The following NEK6 variants were observed in gnomAD, a reference collection of about 807,000 sequenced individuals.
The protein encoded by NEK6 is NIMA related kinase 6.
In NEK6, 27 loss-of-function variants were observed where a neutral mutation model predicts 43.5. That is an observed-to-expected ratio of 0.62 (90% CI 0.46 to 0.86). The LOEUF is 0.86. Ranked by LOEUF, NEK6 falls within the 40% of genes least tolerant of loss-of-function variation. The pLI, the probability that NEK6 is intolerant of heterozygous loss-of-function variation, is 0.00. For missense variants in NEK6, 318 were observed against 414.4 expected, an observed-to-expected ratio of 0.77 and a Z score of 2.02; for synonymous variants, 167 against 164.1, an observed-to-expected ratio of 1.02 and a Z score of -0.14.
chr9:124,318,651 T>C (rs922042197), intron 4 of NEK6, among the ~76,000 whole-genome samples: 3 of 152,064 alleles, frequency 2.0e-5, no homozygotes, highest in Non-Finnish European at 2.9e-5. Flanking sequence ...GTCCTCTTCC[T>C]ACTCTTTATT....
At chr9:124,342,396 G>A (rs1829679297) in intron 8 of NEK6, among the ~76,000 whole-genome samples, 1 of 152,248 alleles carries the variant, frequency 6.6e-6, no homozygotes, top group Non-Finnish European at 1.5e-5. Context: ...CCAAATCCCA[G>A]CTCCAGGGCC....
intron 1 of NEK6, among the ~76,000 whole-genome samples, chr9:124,295,347 T>C (rs1832635768): frequency 6.6e-6 from 1 of 152,140 alleles, no homozygotes; most frequent in South Asian, 2.1e-4. Flanking sequence ...CCCCCATGAC[T>C]CTGGCCTGAG....
At chr9:124,345,260 G>A (rs962308790) in intron 8 of NEK6, among the ~76,000 whole-genome samples, 1 of 152,216 alleles carries the variant, frequency 6.6e-6, no homozygotes, top group Admixed American at 6.5e-5. Context: ...CTGGTAGAAG[G>A]AGATCTCGCC....
At chr9:124,338,273 G>A (rs1564658404) in intron 7 of NEK6, among the ~76,000 whole-genome samples, 1 of 152,170 alleles carries the variant, frequency 6.6e-6, no homozygotes, top group African/African-American at 2.4e-5. Flanking sequence ...GAGCCACCGT[G>A]CCATTCATTG....
intron 4 of NEK6, among the ~76,000 whole-genome samples, chr9:124,314,499 T>G (rs1031994878): frequency 1.3e-4 from 18 of 134,112 alleles, no homozygotes; most frequent in Admixed American, 5.7e-4. Flanking sequence ...TGGTGGTGGG[T>G]TTTTTTTTTA....
intron 9 of NEK6, among the ~76,000 whole-genome samples, chr9:124,350,008 C>G (rs1170970480): frequency 6.6e-6 from 1 of 152,230 alleles, no homozygotes. Flanking sequence ...GCAGTAGCCC[C>G]CGGGCCTCCA....
intron 6 of NEK6, 135 bp from the exon 7 acceptor site, chr9:124,327,203 C>G: frequency 1.4e-6 from 1 of 708,158 alleles, no homozygotes; most frequent in East Asian, 2.5e-5. Context: ...GTCCCACAGC[C>G]AGAGCCAGGA....
intron 1 of NEK6, among the ~76,000 whole-genome samples, chr9:124,281,110 C>G (rs765484758): frequency 6.6e-6 from 1 of 152,370 alleles, no homozygotes; most frequent in Non-Finnish European, 1.5e-5. Context: ...TCCCGCTTTT[C>G]GCTTGTGTTT....
Position 124,343,227 on chromosome 9 carries a change from G to A in NEK6, c.717+3562G>A, listed in dbSNP as rs1422124421. Reference sequence around the variant, plus strand: ...CAGCTGGGGGGGCTGGACCACAGCCGGGGGGCGGTGAGGGGACGGATCGCA... The same window carrying A: ...CAGCTGGGGGGGCTGGACCACAGCCAGGGGGCGGTGAGGGGACGGATCGCA... On this transcript the variant is annotated intron_variant, in intron 8 of 9. Coordinates refer to ENST00000320246, the MANE Select transcript of NEK6 (RefSeq NM_014397.6). This position sits in a 1 kb window ranked among gnomAD's most constrained non-coding sequence, Gnocchi z 5.1. Among the ~76,000 whole-genome samples the A allele has an allele frequency of 9.3e-5, 14 of 151,186 alleles. No homozygotes were observed. Among genetic ancestry groups the A allele is most frequent in the South Asian group, 2.1e-4 (1 of 4,734 alleles).
chr9:124,299,971 C>T (rs1239999860), intron 1 of NEK6: 2 of 152,178 alleles, frequency 1.3e-5, no homozygotes, highest in African/African-American at 4.8e-5. Flanking sequence ...CCTGCAGTCT[C>T]ACATCCTGTC....
At chr9:124,277,918 C>T (rs540331007) in intron 1 of NEK6, among the ~76,000 whole-genome samples, 1 of 152,302 alleles carries the variant, frequency 6.6e-6, no homozygotes, top group East Asian at 1.9e-4. Flanking sequence ...CTGATCCTCC[C>T]TGCATTTATT....
chr9:124,288,616 C>T (rs753054959), intron 1 of NEK6, among the ~76,000 whole-genome samples: 9 of 152,170 alleles, frequency 5.9e-5, no homozygotes, highest in Non-Finnish European at 1.2e-4. Flanking sequence ...CTTCTGCATA[C>T]CCGGGCCCTG....
In NEK6 at chr9:124,326,354, A is replaced by C; in HGVS notation, c.430A>C (p.Ile144Leu). The change falls in exon 6 of 10, where the codon ATC becomes CTC. Residue 144 changes from isoleucine (I) to leucine (L), a missense_variant. Transcript: ENST00000320246. This position sits in a 1 kb window ranked among gnomAD's most constrained non-coding sequence, Gnocchi z 4.5. ...IKYFKKQKRLIPERTVWKYFV... is the reference protein window; with the variant it reads ...IKYFKKQKRLLPERTVWKYFV... ...GTACTTTAAGAAGCAGAAGCGGCTC[A>C]TCCCGGAGAGGACAGTATGGAAGTA... 1 of 1,611,488 alleles carries C rather than the reference A, an allele frequency of 6.2e-7. No individual in the cohort carries two copies. The highest frequency in any genetic ancestry group is 8.5e-7 in the Non-Finnish European group (1 of 1,179,770).
At chr9:124,322,818 G>T (rs1215196531) in intron 5 of NEK6, among the ~76,000 whole-genome samples, 1 of 152,256 alleles carries the variant, frequency 6.6e-6, no homozygotes, top group East Asian at 1.9e-4. Context: ...TTGAGCAATT[G>T]CTCAGTGCTC....
chr9:124,318,399 G>A (rs1833919067), intron 4 of NEK6, among the ~76,000 whole-genome samples: 1 of 152,050 alleles, frequency 6.6e-6, no homozygotes, highest in Admixed American at 6.6e-5. Flanking sequence ...GCACCACGAA[G>A]CCCAGCTAAT....
chr9:124,312,635 C>T lies in NEK6; in HGVS notation c.217C>T (p.Leu73=). 6.2e-7 allele frequency: 1 copy of T among 1,613,302 alleles called. No individual in the cohort carries two copies. The highest frequency in any genetic ancestry group is 8.5e-7 in the Non-Finnish European group (1 of 1,179,368). ...CCTGCTGGACAGGAAGACAGTGGCT[C>T]TGAAGAAGGTGCAGGTGAGCTGACA... ...TCLLDRKTVA[L]KKVQIFEMMD... The change falls in exon 3 of 10, where the codon CTG becomes TTG. Residue 73 remains leucine (L), a synonymous_variant. Coordinates refer to ENST00000320246, the MANE Select transcript of NEK6 (RefSeq NM_014397.6).
In NEK6 at chr9:124,302,018, C is replaced by T. The variant is rs1399365403; in HGVS notation, c.54C>T (p.Cys18=). The change falls in exon 2 of 10, where the codon TGC becomes TGT. Residue 18 remains cysteine, a synonymous_variant. Coordinates refer to ENST00000320246, the MANE Select transcript of NEK6 (RefSeq NM_014397.6). ...ATGGAGGGAGTTCCAACAACCTCTG[C>T]CACACCCTGGGGCCTGTGCATCCTC... ...MPHGGSSNNL[C]HTLGPVHPPD... 1.2e-6 allele frequency: 2 copies of T among 1,605,764 alleles called. No homozygotes were observed. The highest frequency in any genetic ancestry group is 1.7e-6 in the Non-Finnish European group (2 of 1,176,166).
Position 124,350,929 on chromosome 9 carries a change from C to A in NEK6, c.924C>A (p.Ile308=). 6.2e-7 allele frequency: 1 copy of A among 1,609,648 alleles called. No individual in the cohort carries two copies. Among genetic ancestry groups the A allele is most frequent in the Non-Finnish European group, 8.5e-7 (1 of 1,179,582 alleles). The change falls in exon 10 of 10, where the codon ATC becomes ATA. Residue 308 remains isoleucine, a synonymous_variant. Transcript: ENST00000320246. ...YVHQVAKQMH[I]WMSST ...ACCAGGTGGCCAAGCAGATGCACAT[C>A]TGGATGTCCAGCACCTGAGCGTGGA...
intron 4 of NEK6, among the ~76,000 whole-genome samples, chr9:124,316,611 A>G (rs1833828339): frequency 6.6e-6 from 1 of 152,072 alleles, no homozygotes; most frequent in South Asian, 2.1e-4. Context: ...CAGGCTGTGA[A>G]GTGGACTCCA....
Sources: allele counts gnomAD v4.1 joint callset (sites outside exome capture counted in the v4.1 genomes callset), GRCh38; gene constraint gnomAD v4.1.1; non-coding constraint Gnocchi (gnomAD v3.1); transcripts MANE v1.5; gene names NCBI Gene and HGNC (gene_info 2026-07-23, HGNC 2026-07-21).